Variants in FRMPD1 observed in about 807,000 individuals in gnomAD.
FRMPD1 encodes the protein FERM and PDZ domain containing 1.
FRMPD1 carries 76 observed loss-of-function variants against 117.8 expected under a neutral mutation model. The ratio of observed to expected loss-of-function variants is 0.65; its 90% CI spans 0.54 to 0.78. The LOEUF (loss-of-function observed/expected upper bound fraction) is 0.78, where lower values mean the gene tolerates loss of function less well. Among genes scored for constraint, FRMPD1 ranks in the 30% least tolerant of loss-of-function variants. FRMPD1 has a pLI of 0.00. For missense variants in FRMPD1, 1,786 were observed against 1,964.5 expected (o/e 0.91, Z 1.72); for synonymous variants, 783 against 770.4 (o/e 1.02, Z -0.27).
intron 2 of FRMPD1, among the ~76,000 whole-genome samples, chr9:37,693,635 C>T (rs1481237687): frequency 6.6e-6 from 1 of 152,186 alleles, no homozygotes; most frequent in Non-Finnish European, 1.5e-5. Flanking sequence ...GATGGGTCCC[C>T]ATTTATTATA....
rs1824613209 is a variant in FRMPD1 at position 37,744,877 on chromosome 9, G to T, written c.2845G>T (p.Asp949Tyr). The change falls in exon 16 of 16, where the codon GAC becomes TAC. Residue 949 changes from aspartate to tyrosine, a missense_variant. Asp to Tyr is a radical substitution (Grantham distance 160, BLOSUM62 -3). Transcript: ENST00000377765. The stretch of plus-strand genomic sequence containing the variant: ...TATTTCTGCCATTCGCTTCCGGATT[G>T]ACCCCAACAATAAAGAGAATTCTGG... ...SSISAIRFRIDPNNKENSGVV... is the reference protein window; with the variant it reads ...SSISAIRFRIYPNNKENSGVV... 6.2e-7 allele frequency: 1 copy of T among 1,614,144 alleles called. No individual in the cohort carries two copies. The highest frequency in any genetic ancestry group is 1.7e-5 in the Admixed American group (1 of 60,030).
At chr9:37,670,262 C>A (rs1014371071) in intron 1 of FRMPD1, among the ~76,000 whole-genome samples, 2 of 152,014 alleles carry the variant, frequency 1.3e-5, no homozygotes, top group Non-Finnish European at 1.5e-5. Context: ...GAGACGTATT[C>A]GAGTTTATCA....
Position 37,744,906 on chromosome 9 carries a change from T to G in FRMPD1, c.2874T>G (p.Val958=), listed in dbSNP as rs773358820. ...CCAACAATAAAGAGAATTCTGGTGT[T>G]GTCCCTGCTGCCAGCTCCTCAGCAA... ...IDPNNKENSG[V]VPAASSSAST... Residue 958 remains valine, a synonymous_variant, in exon 16 of 16, where the codon GTT becomes GTG. Coordinates refer to ENST00000377765, the MANE Select transcript of FRMPD1 (RefSeq NM_014907.3). 24 of 1,614,238 alleles carry G rather than the reference T, an allele frequency of 1.5e-5. No individual in the cohort carries two copies. The South Asian group carries it at 2.0e-4, about 13-fold the overall frequency.
At chr9:37,720,186 A>G (rs1295484398) in intron 6 of FRMPD1, among the ~76,000 whole-genome samples, 2 of 152,250 alleles carry the variant, frequency 1.3e-5, no homozygotes, top group Non-Finnish European at 2.9e-5. Context: ...TTGTTCAGGA[A>G]GGGGCCAGTG....
chr9:37,655,945 T>A (rs1820830346), intron 1 of FRMPD1, among the ~76,000 whole-genome samples: 1 of 152,184 alleles, frequency 6.6e-6, no homozygotes, highest in Non-Finnish European at 1.5e-5. Flanking sequence ...TAGGAAGCTG[T>A]CTTCCAGATC....
At chr9:37,701,496 T>C (rs929281817) in intron 2 of FRMPD1, among the ~76,000 whole-genome samples, 2 of 133,436 alleles carry the variant, frequency 1.5e-5, no homozygotes, top group African/African-American at 2.7e-5. Context: ...TGTGCGCGCG[T>C]GTGTGTGCAT....
upstream of FRMPD1, among the ~76,000 whole-genome samples, chr9:37,650,815 CGGGGCTCCTCCCCCGGGGCGG>C (rs1466869432): frequency 6.7e-6 from 1 of 149,642 alleles, no homozygotes; most frequent in Non-Finnish European, 1.5e-5. Context: ...AGGCGGCGCG[CGGGGCTCCTCCCCCGGGGCGG>C]GGGTCGCGGC....
chr9:37,693,220 T>G, intron 2 of FRMPD1: 1 of 155,522 alleles, frequency 6.4e-6, no homozygotes, highest in South Asian at 2.0e-4. Flanking sequence ...TCTTTCTGTG[T>G]CTTCGTTTCC....
chr9:37,697,943 C>T (rs911933761), intron 2 of FRMPD1, among the ~76,000 whole-genome samples: 2 of 152,222 alleles, frequency 1.3e-5, no homozygotes, highest in Middle Eastern at 3.4e-3. Context: ...AGTGAAACCC[C>T]GTCTCTACTA....
chr9:37,638,963 T>A, the FRMPD1 span, among the ~76,000 whole-genome samples: 1 of 152,192 alleles, frequency 6.6e-6, no homozygotes, highest in Non-Finnish European at 1.5e-5. Flanking sequence ...CCACAGTAAT[T>A]TTTCGTAGCA....
intron 9 of FRMPD1, among the ~76,000 whole-genome samples, chr9:37,731,683 C>T (rs1823888024): frequency 6.6e-6 from 1 of 152,090 alleles, no homozygotes; most frequent in Non-Finnish European, 1.5e-5. Flanking sequence ...AACAGCTTGG[C>T]CAACATGGTG....
chr9:37,708,410 C>T lies in FRMPD1; in HGVS notation c.271C>T (p.His91Tyr). The change falls in exon 4 of 16, where the codon CAC (histidine) becomes TAC (tyrosine). Residue 91 changes from histidine to tyrosine, a missense_variant. By Grantham distance (83) the His-to-Tyr change is moderately conservative. Coordinates refer to ENST00000377765, the MANE Select transcript of FRMPD1 (RefSeq NM_014907.3). The part of the protein sequence containing the change: ...VVAVTAGGSA[H>Y]GKLFPGDQIL... ...TTTCTGTCCAACAGGAGGCTCTGCT[C>T]ACGGCAAGCTTTTCCCTGGTGATCA... The T allele has an allele frequency of 1.9e-6, 3 of 1,609,306 alleles. No individual in the cohort carries two copies. The highest frequency in any genetic ancestry group is 2.2e-5 in the East Asian group (1 of 44,862).
At chr9:37,638,050 C>CTTTCTTTCTTTCTTT in the FRMPD1 span, among the ~76,000 whole-genome samples, 4 of 76,082 alleles carry the variant, frequency 5.3e-5, 1 homozygote, top group Non-Finnish European at 1.1e-4. Context: ...TTCTTTCTTT[C>CTTTCTTTCTTTCTTT]CTTTCTTTCT....
chr9:37,607,732 G>C, the FRMPD1 span, among the ~76,000 whole-genome samples: 1 of 152,176 alleles, frequency 6.6e-6, no homozygotes, highest in African/African-American at 2.4e-5. Flanking sequence ...TTACAGGGTC[G>C]GGGATTTATA....
At chr9:37,683,596 C>T (rs1417394221) in intron 1 of FRMPD1, among the ~76,000 whole-genome samples, 6 of 152,148 alleles carry the variant, frequency 3.9e-5, no homozygotes, top group African/African-American at 1.2e-4. Context: ...TGCAGAGACA[C>T]GAGGGCATGA....
Position 37,740,001 on chromosome 9 carries a change from G to A in FRMPD1, c.1550-77G>A. The A allele has an allele frequency of 2.7e-6, 3 of 1,106,780 alleles. No homozygotes were observed. In the South Asian group the frequency reaches 4.5e-5, roughly 16 times the overall value. 68.6% of individuals were successfully genotyped at this position (1,106,780 alleles called of 1,614,324 possible). ...CAGTTTTCTCGTCTGGCAGGGTTGG[G>A]TGGGGGTCAGGGGGCTAGAAGGACA... On this transcript the variant is annotated intron_variant, in intron 14 of 15. Coordinates refer to ENST00000377765, the MANE Select transcript of FRMPD1 (RefSeq NM_014907.3). The surrounding 1 kb of genome is among the most constrained non-coding windows in gnomAD (Gnocchi z 4.2).
the FRMPD1 span, among the ~76,000 whole-genome samples, chr9:37,626,731 T>C: frequency 6.6e-5 from 10 of 150,892 alleles, no homozygotes; most frequent in East Asian, 3.9e-4. Flanking sequence ...AGAGGTTGCA[T>C]TGAGCTGTGA....
chr9:37,627,901 G>T, the FRMPD1 span, among the ~76,000 whole-genome samples: 7 of 152,104 alleles, frequency 4.6e-5, no homozygotes, highest in African/African-American at 1.4e-4. Context: ...TATCAGCAGG[G>T]CCCACCCAGG....
the FRMPD1 span, among the ~76,000 whole-genome samples, chr9:37,619,195 C>T: frequency 4.6e-5 from 7 of 152,144 alleles, no homozygotes; most frequent in Non-Finnish European, 8.8e-5. Context: ...AACTTGGGAA[C>T]GTTTCCATTT....
Sources: allele counts gnomAD v4.1 joint callset (sites outside exome capture counted in the v4.1 genomes callset), GRCh38; gene constraint gnomAD v4.1.1; non-coding constraint Gnocchi (gnomAD v3.1); transcripts MANE v1.5; gene names NCBI Gene and HGNC (gene_info 2026-07-23, HGNC 2026-07-21).